The following ABLIM1 variants were observed in gnomAD, a reference collection of about 807,000 sequenced individuals.
The protein encoded by ABLIM1 is actin-binding LIM protein 1.
A neutral mutation model predicts 107.0 loss-of-function variants in ABLIM1; 40 were observed. The observed-to-expected ratio is 0.37, with a 90% CI of 0.29 to 0.49. The LOEUF is 0.49. Among genes scored for constraint, ABLIM1 ranks in the 20% least tolerant of loss-of-function variants. The pLI is 0.97. For missense variants in ABLIM1, 857 were observed against 1,008.5 expected (o/e 0.85, Z 2.04); for synonymous variants, 357 against 357.3 (o/e 1.00, Z 0.01).
chr10:114,729,429 T>C (rs1372411444), intron 1 of ABLIM1, among the ~76,000 whole-genome samples: 1 of 152,086 alleles, frequency 6.6e-6, no homozygotes, highest in Non-Finnish European at 1.5e-5. Flanking sequence ...TGACCAGAGC[T>C]AATTATCTCT....
At chr10:114,730,899 A>C (rs940964891) in intron 1 of ABLIM1, among the ~76,000 whole-genome samples, 1 of 152,112 alleles carries the variant, frequency 6.6e-6, no homozygotes, top group Non-Finnish European at 1.5e-5. Flanking sequence ...TTTCATGTAA[A>C]TAGAATCACA....
upstream of ABLIM1, among the ~76,000 whole-genome samples, chr10:114,688,949 G>T (rs2141678996): frequency 6.6e-6 from 1 of 152,298 alleles, no homozygotes; most frequent in Middle Eastern, 3.4e-3. Context: ...CTGTATGTGT[G>T]CAGGGAGGGG....
At chr10:114,604,284 T>C (rs926103326) in intron 1 of ABLIM1, among the ~76,000 whole-genome samples, 3 of 152,246 alleles carry the variant, frequency 2.0e-5, no homozygotes, top group Admixed American at 6.5e-5. Flanking sequence ...GCCCCTTCCA[T>C]GCTGTTTGTA....
chr10:114,796,794 C>T, the ABLIM1 span, among the ~76,000 whole-genome samples: 1 of 152,196 alleles, frequency 6.6e-6, no homozygotes, highest in African/African-American at 2.4e-5. Context: ...TAGCTTTAAG[C>T]CATTTGGCTA....
chr10:114,595,677 C>T (rs2075347614), intron 2 of ABLIM1, among the ~76,000 whole-genome samples: 1 of 152,194 alleles, frequency 6.6e-6, no homozygotes, highest in Admixed American at 6.5e-5. Flanking sequence ...ATCTGCTTTT[C>T]ATTTAATTAC....
At chr10:114,538,098 C>G (rs1018797649) in intron 6 of ABLIM1, among the ~76,000 whole-genome samples, 9 of 152,172 alleles carry the variant, frequency 5.9e-5, no homozygotes, top group African/African-American at 1.9e-4. Context: ...CTTAAAATAC[C>G]TATGCCAAAA....
intron 8 of ABLIM1, among the ~76,000 whole-genome samples, chr10:114,478,034 C>G (rs2056757477): frequency 6.6e-6 from 1 of 152,142 alleles, no homozygotes; most frequent in Admixed American, 6.6e-5. Flanking sequence ...TCCCTTCCTT[C>G]TTGACTGGAT....
chr10:114,442,133 G>A (rs2060288607), intron 17 of ABLIM1, among the ~76,000 whole-genome samples: 1 of 152,190 alleles, frequency 6.6e-6, no homozygotes. Context: ...ATTACAGAAG[G>A]AGAAATAGGG....
chr10:114,594,319 T>C (rs2075202008), intron 2 of ABLIM1, among the ~76,000 whole-genome samples: 1 of 152,220 alleles, frequency 6.6e-6, no homozygotes, highest in Non-Finnish European at 1.5e-5. Flanking sequence ...GGCAGGCTTG[T>C]AGCTCAGTCA....
At chr10:114,788,870 C>T in the ABLIM1 span, among the ~76,000 whole-genome samples, 2 of 152,140 alleles carry the variant, frequency 1.3e-5, no homozygotes, top group African/African-American at 2.4e-5. Context: ...GCATAGAATA[C>T]ACCAGTACCA....
chr10:114,542,477 G>A, intron 6 of ABLIM1, among the ~76,000 whole-genome samples: 1 of 145,358 alleles, frequency 6.9e-6, no homozygotes, highest in East Asian at 2.0e-4. Context: ...TGATGAAGAA[G>A]GAAGAAAGAT....
At chr10:114,440,773 A>ATACC (rs776644646) in intron 19 of ABLIM1, 7 of 608,796 alleles carry the variant, frequency 1.1e-5, no homozygotes, top group Non-Finnish European at 1.8e-5. Context: ...TAGGTATCTG[A>ATACC]TAGAGTGCTC....
chr10:114,587,255 G>A (rs1185186053), intron 2 of ABLIM1, among the ~76,000 whole-genome samples: 1 of 152,250 alleles, frequency 6.6e-6, no homozygotes, highest in East Asian at 1.9e-4. Context: ...TTGATGGATT[G>A]AAAATTACAG....
At chr10:114,781,604 GTA>G in the ABLIM1 span, among the ~76,000 whole-genome samples, 2 of 149,056 alleles carry the variant, frequency 1.3e-5, no homozygotes, top group East Asian at 2.0e-4. Context: ...GTGTATATAT[GTA>G]TATATGTGTG....
chr10:114,473,832 C>A, intron 9 of ABLIM1, 47 bp downstream of exon 9: 1 of 1,460,682 alleles, frequency 6.8e-7, no homozygotes, highest in Non-Finnish European at 9.5e-7. Flanking sequence ...TTACAATCCA[C>A]TAATTTACCT....
chr10:114,702,922 A>C (rs2081336725), intron 1 of ABLIM1, among the ~76,000 whole-genome samples: 1 of 152,178 alleles, frequency 6.6e-6, no homozygotes, highest in South Asian at 2.1e-4. Context: ...TGTTCTTAAA[A>C]AGAAAAATAT....
chr10:114,512,200 T>C lies in ABLIM1; in HGVS notation c.895-20322A>G, dbSNP rs1013429678. The stretch of plus-strand genomic sequence containing the variant: ...GGAGCCCAAACAAAAGGATGTTTTT[T>C]TCCTGTGCGTAAAAAGGGCTGAAAT... On this transcript the variant is annotated intron_variant, in intron 6 of 22. Transcript: ENST00000533213. 5.3e-5 allele frequency among the ~76,000 whole-genome samples: 8 copies of C among 152,222 alleles called. No individual in the cohort carries two copies. In the East Asian group the frequency reaches 5.8e-4, roughly 11 times the overall value.
rs2082044030 is a variant in ABLIM1, at chr10:114,730,249, T to G, written c.-213+37812A>C. 2.0e-5 allele frequency among the ~76,000 whole-genome samples: 3 copies of G among 151,920 alleles called. No individual in the cohort carries two copies. In the South Asian group the frequency reaches 6.2e-4, roughly 32 times the overall value. Reference sequence around the variant, plus strand: ...CCCATCTCTACTAAAAATACAAAAATTAGCCAGGTGTGGCGATGCACGCCT... The same window carrying G: ...CCCATCTCTACTAAAAATACAAAAAGTAGCCAGGTGTGGCGATGCACGCCT... On this transcript the variant is annotated intron_variant, in intron 1 of 15. Coordinates refer to the ABLIM1 transcript ENST00000651092.
intron 1 of ABLIM1, among the ~76,000 whole-genome samples, chr10:114,636,647 T>C (rs1207990746): frequency 6.6e-6 from 1 of 152,204 alleles, no homozygotes; most frequent in Admixed American, 6.5e-5. Context: ...GGGATTGGCT[T>C]ATCCCTTCTA....
Sources: allele counts gnomAD v4.1 joint callset (sites outside exome capture counted in the v4.1 genomes callset), GRCh38; gene constraint gnomAD v4.1.1; transcripts MANE v1.5; gene names NCBI Gene and HGNC (gene_info 2026-07-23, HGNC 2026-07-21).